Variants in LINGO2 observed in about 807,000 individuals in gnomAD.
LINGO2 encodes the protein leucine rich repeat and Ig domain containing 2.
LINGO2 carries 14 observed loss-of-function variants against 30.6 expected under a neutral mutation model. The observed-to-expected ratio is 0.46, with a 90% CI of 0.30 to 0.72. LINGO2 has a LOEUF of 0.72. Among genes scored for constraint, LINGO2 ranks in the 30% least tolerant of loss-of-function variants. The pLI, the probability that LINGO2 is intolerant of heterozygous loss-of-function variation, is 0.07. For missense variants in LINGO2, 729 were observed against 751.7 expected (o/e 0.97, Z 0.35); for synonymous variants, 317 against 288.5 (o/e 1.10, Z -1.00).
At chr9:28,372,666 A>C (rs904394586) in intron 3 of LINGO2, among the ~76,000 whole-genome samples, 170 bp downstream of exon 5, 1 of 152,178 alleles carries the variant, frequency 6.6e-6, no homozygotes, top group Non-Finnish European at 1.5e-5. Flanking sequence ...TAAGAGGATA[A>C]ATTTCAAATC....
At chr9:28,436,044 T>G (rs902785084) in intron 2 of LINGO2, among the ~76,000 whole-genome samples, 1 of 152,284 alleles carries the variant, frequency 6.6e-6, no homozygotes, top group Non-Finnish European at 1.5e-5. Context: ...GATTACTAAC[T>G]TGGGGGTTTT....
chr9:29,077,662 CAG>C, the LINGO2 span, among the ~76,000 whole-genome samples: 1 of 151,780 alleles, frequency 6.6e-6, no homozygotes, highest in South Asian at 2.1e-4. Context: ...AAAACTGAAA[CAG>C]AATATAAATT....
intron 4 of LINGO2, among the ~76,000 whole-genome samples, chr9:28,017,952 G>T (rs1822923180): frequency 6.6e-6 from 1 of 152,034 alleles, no homozygotes; most frequent in Non-Finnish European, 1.5e-5. Context: ...CTGACTTCAA[G>T]CTATATTACA....
the LINGO2 span, among the ~76,000 whole-genome samples, chr9:28,916,425 G>C: frequency 2.0e-5 from 3 of 152,024 alleles, no homozygotes; most frequent in Non-Finnish European, 4.4e-5. Flanking sequence ...CTCTGAAGCC[G>C]GCTACCTGGA....
chr9:28,498,810 T>TA (rs1247569730), intron 1 of LINGO2, among the ~76,000 whole-genome samples: 1 of 152,026 alleles, frequency 6.6e-6, no homozygotes, highest in African/African-American at 2.4e-5. Context: ...GCCCCCCTCC[T>TA]ATTTAGGCTA....
At chr9:28,636,404 C>G (rs770187920) in intron 1 of LINGO2, among the ~76,000 whole-genome samples, 3 of 152,188 alleles carry the variant, frequency 2.0e-5, no homozygotes, top group Non-Finnish European at 4.4e-5. Flanking sequence ...GCCACACTGA[C>G]TTCCACAATG....
intron 2 of LINGO2, among the ~76,000 whole-genome samples, chr9:28,460,821 G>T (rs111351099): frequency 2.0e-5 from 3 of 152,032 alleles, no homozygotes; most frequent in African/African-American, 4.8e-5. Flanking sequence ...GTTTGTGTGT[G>T]GGGGGAGGGG....
chr9:28,446,596 A>G (rs752261616), intron 2 of LINGO2, among the ~76,000 whole-genome samples: 9 of 152,122 alleles, frequency 5.9e-5, no homozygotes, highest in Non-Finnish European at 1.0e-4. Context: ...GACTCTATTC[A>G]CTAATCTTGA....
chr9:28,090,883 AAT>A (rs1826060801), intron 4 of LINGO2, among the ~76,000 whole-genome samples: 2 of 152,336 alleles, frequency 1.3e-5, no homozygotes, highest in East Asian at 3.9e-4. Context: ...ATACAAAATC[AAT>A]GTGCAAAAAT....
chr9:28,346,252 T>A (rs1251241045), intron 3 of LINGO2, among the ~76,000 whole-genome samples: 1 of 152,142 alleles, frequency 6.6e-6, no homozygotes, highest in Non-Finnish European at 1.5e-5. Context: ...TCTCCCAGTA[T>A]CCATGTGTTC....
the LINGO2 span, among the ~76,000 whole-genome samples, chr9:28,819,513 T>A: frequency 6.6e-6 from 1 of 152,212 alleles, no homozygotes; most frequent in Non-Finnish European, 1.5e-5. Flanking sequence ...TTGTATGAAT[T>A]TCTTTTCCCT....
chr9:28,950,983 T>A, the LINGO2 span, among the ~76,000 whole-genome samples: 1 of 152,170 alleles, frequency 6.6e-6, no homozygotes, highest in East Asian at 1.9e-4. Flanking sequence ...GCTACCTGAC[T>A]TCAAACTATA....
intron 4 of LINGO2, among the ~76,000 whole-genome samples, chr9:28,110,801 G>A (rs1322064661): frequency 1.3e-5 from 2 of 152,144 alleles, no homozygotes; most frequent in Non-Finnish European, 2.9e-5. Flanking sequence ...GTGTAAATTA[G>A]TTCATCCATT....
chr9:28,629,472 G>T (rs1267634045), intron 1 of LINGO2, among the ~76,000 whole-genome samples: 1 of 152,016 alleles, frequency 6.6e-6, no homozygotes, highest in Non-Finnish European at 1.5e-5. Context: ...TCTCTTAGGA[G>T]AAAGGAAGTA....
intron 4 of LINGO2, among the ~76,000 whole-genome samples, chr9:28,233,062 T>TATATATATATA (rs1564063017): frequency 4.4e-5 from 2 of 45,428 alleles, no homozygotes; most frequent in African/African-American, 3.5e-4. Context: ...ATATATATAT[T>TATATATATATA]AGATATATAA....
the LINGO2 span, among the ~76,000 whole-genome samples, chr9:28,800,318 G>A: frequency 3.3e-5 from 5 of 152,012 alleles, no homozygotes; most frequent in African/African-American, 1.2e-4. Flanking sequence ...TTTTTGGTAT[G>A]GCCTACCAGA....
intron 4 of LINGO2, among the ~76,000 whole-genome samples, chr9:28,131,167 T>TAA (rs761927818): frequency 1.1e-4 from 16 of 139,228 alleles, no homozygotes; most frequent in Non-Finnish European, 1.6e-4. Context: ...CATTTCATCT[T>TAA]AAAAAAAAAA....
chr9:28,669,254 T>G (rs1489696587), intron 1 of LINGO2, among the ~76,000 whole-genome samples: 2 of 152,128 alleles, frequency 1.3e-5, no homozygotes, highest in Non-Finnish European at 2.9e-5. Context: ...TGTTATTGTT[T>G]GAGACAAGTG....
the LINGO2 span, among the ~76,000 whole-genome samples, chr9:28,756,597 A>T: frequency 2.9e-3 from 445 of 152,090 alleles, 8 homozygotes; most frequent in African/African-American, 0.01. Context: ...TGCAAATTGT[A>T]ATCCCCATGA....
Sources: allele counts gnomAD v4.1 joint callset (sites outside exome capture counted in the v4.1 genomes callset), GRCh38; gene constraint gnomAD v4.1.1; transcripts MANE v1.5; gene names NCBI Gene and HGNC (gene_info 2026-07-23, HGNC 2026-07-21).